Variants in MCPH1 observed in about 807,000 individuals in gnomAD.
MCPH1 encodes the protein microcephalin.
A neutral mutation model predicts 84.5 loss-of-function variants in MCPH1; 104 were observed. The observed-to-expected ratio is 1.23, with a 90% CI of 1.05 to 1.45. The LOEUF is 1.45. MCPH1 is among the 40% of genes most tolerant of loss of function. The pLI is 0.00. For synonymous variants in MCPH1, 514 were observed against 366.8 expected, an observed-to-expected ratio of 1.40 and a Z score of -4.58; for missense variants, 1,498 against 1,005.7, an observed-to-expected ratio of 1.49 and a Z score of -6.62.
At chr8:6,433,435 G>C (rs1466838956) in intron 4 of MCPH1, among the ~76,000 whole-genome samples, 8 of 151,836 alleles carry the variant, frequency 5.3e-5, no homozygotes, top group Non-Finnish European at 8.8e-5. Flanking sequence ...GAGTTTGAGA[G>C]CAGCCTGGCC....
intron 2 of MCPH1, among the ~76,000 whole-genome samples, chr8:6,411,266 C>T (rs116818595): frequency 6.6e-6 from 1 of 152,074 alleles, no homozygotes; most frequent in African/African-American, 2.4e-5. Context: ...CAACTGTTAC[C>T]GTGGTGACAT....
At chr8:6,532,281 T>G (rs1819666567) in intron 12 of MCPH1, 2 of 1,610,152 alleles carry the variant, frequency 1.2e-6, no homozygotes, top group Non-Finnish European at 1.7e-6. Context: ...CGCGACTGAG[T>G]GCTAGTCTCT....
At chr8:6,600,161 G>T (rs1829246811) in intron 12 of MCPH1, among the ~76,000 whole-genome samples, 1 of 152,240 alleles carries the variant, frequency 6.6e-6, no homozygotes. Context: ...TTTTCCAAAG[G>T]ATTAGGCCAG....
chr8:6,643,207 G>A lies in MCPH1; in HGVS notation c.*158G>A, dbSNP rs1586909277. 7 of 703,986 alleles carry A rather than the reference G, an allele frequency of 9.9e-6. No individual in the cohort carries two copies. In the East Asian group the frequency reaches 1.9e-4, roughly 19 times the overall value. 43.6% of individuals were successfully genotyped at this position (703,986 alleles called of 1,614,324 possible). ...TGTTGTGGTTCTTAAGAACTCATAG[G>A]TGACTTTCTGATGACTGAATGTCTG... On this transcript the variant is annotated 3_prime_UTR_variant, in exon 14 of 14. Coordinates refer to ENST00000344683, the MANE Select transcript of MCPH1 (RefSeq NM_024596.5).
intron 12 of MCPH1, among the ~76,000 whole-genome samples, chr8:6,523,564 T>G (rs1390634399): frequency 2.6e-5 from 4 of 152,072 alleles, no homozygotes; most frequent in African/African-American, 9.6e-5. Flanking sequence ...ACATGCACAG[T>G]CAAGGTATTT....
intron 11 of MCPH1, among the ~76,000 whole-genome samples, chr8:6,488,761 G>C (rs1586069469): frequency 6.6e-6 from 1 of 152,094 alleles, no homozygotes; most frequent in African/African-American, 2.4e-5. Context: ...TTTAATTACA[G>C]AGTGGCAGCT....
intron 12 of MCPH1, among the ~76,000 whole-genome samples, chr8:6,586,452 G>C (rs1260449026): frequency 6.6e-6 from 1 of 152,200 alleles, no homozygotes; most frequent in Admixed American, 6.5e-5. Flanking sequence ...AGCCTCTGTG[G>C]TCAAAGGTGC....
At chr8:6,528,994 T>C (rs1156876065) in intron 12 of MCPH1, among the ~76,000 whole-genome samples, 1 of 152,244 alleles carries the variant, frequency 6.6e-6, no homozygotes, top group Non-Finnish European at 1.5e-5. Context: ...AGTCCAAACA[T>C]TCTATGTTGG....
intron 2 of MCPH1, among the ~76,000 whole-genome samples, chr8:6,411,005 G>A (rs768867103): frequency 1.2e-4 from 18 of 152,084 alleles, no homozygotes; most frequent in Admixed American, 8.5e-4. Context: ...CAGGAGAATC[G>A]TTTGAACCTG....
chr8:6,625,671 C>T, intron 13 of MCPH1: 1 of 984,948 alleles, frequency 1.0e-6, no homozygotes, highest in Non-Finnish European at 1.2e-6. Flanking sequence ...GTGGCCCATG[C>T]CTGTTGTCTT....
At chr8:6,514,130 G>C (rs904459557) in intron 12 of MCPH1, among the ~76,000 whole-genome samples, 2 of 152,194 alleles carry the variant, frequency 1.3e-5, no homozygotes, top group African/African-American at 4.8e-5. Context: ...GGAATGTGAA[G>C]CACCATTAAA....
At chr8:6,599,080 T>G (rs1239990737) in intron 12 of MCPH1, among the ~76,000 whole-genome samples, 1 of 152,064 alleles carries the variant, frequency 6.6e-6, no homozygotes, top group African/African-American at 2.4e-5. Flanking sequence ...AAAGTGAAAA[T>G]CCGAGGCGCG....
At chr8:6,495,719 G>A (rs1811150118) in intron 11 of MCPH1, among the ~76,000 whole-genome samples, 1 of 152,168 alleles carries the variant, frequency 6.6e-6, no homozygotes, top group South Asian at 2.1e-4. Flanking sequence ...AGTGAAGGGT[G>A]GATGGAGGAG....
intron 3 of MCPH1, among the ~76,000 whole-genome samples, chr8:6,415,402 C>T (rs773741341): frequency 2.6e-5 from 4 of 151,528 alleles, no homozygotes; most frequent in Non-Finnish European, 5.9e-5. Context: ...ATTCTTATGC[C>T]TCAGCCTCCC....
intron 9 of MCPH1, among the ~76,000 whole-genome samples, chr8:6,468,500 C>A (rs1034628174): frequency 1.5e-4 from 23 of 152,172 alleles, no homozygotes; most frequent in Non-Finnish European, 3.1e-4. Flanking sequence ...GAGCAAGGAG[C>A]TAGGTGCATG....
intron 12 of MCPH1, among the ~76,000 whole-genome samples, chr8:6,536,512 C>T (rs1249022801): frequency 6.6e-6 from 1 of 152,012 alleles, no homozygotes; most frequent in Non-Finnish European, 1.5e-5. Context: ...AGTGGAGGGC[C>T]ATTTTTACCA....
At chr8:6,538,693 A>G (rs1586478763) in intron 12 of MCPH1, among the ~76,000 whole-genome samples, 1 of 152,140 alleles carries the variant, frequency 6.6e-6, no homozygotes, top group Admixed American at 6.5e-5. Context: ...TTTCCTTTTG[A>G]TATCAAAACC....
At chr8:6,494,943 T>G (rs1051132113) in intron 11 of MCPH1, among the ~76,000 whole-genome samples, 6 of 152,330 alleles carry the variant, frequency 3.9e-5, no homozygotes, top group South Asian at 2.1e-4. Flanking sequence ...AAAATAGCTT[T>G]AAGGCACCAC....
intron 12 of MCPH1, chr8:6,562,504 AG>A (rs1825683890): frequency 1.6e-6 from 1 of 636,052 alleles, no homozygotes. Flanking sequence ...CTTTCATTTG[AG>A]GGTACCAGCA....
Sources: allele counts gnomAD v4.1 joint callset (sites outside exome capture counted in the v4.1 genomes callset), GRCh38; gene constraint gnomAD v4.1.1; transcripts MANE v1.5; gene names NCBI Gene and HGNC (gene_info 2026-07-23, HGNC 2026-07-21).